PDE10A: variants seen among roughly 807,000 people sequenced by gnomAD.
PDE10A encodes the protein phosphodiesterase 10A, also known as cAMP and cAMP-inhibited cGMP 3',5'-cyclic phosphodiesterase 10A.
PDE10A carries 39 observed loss-of-function variants against 97.7 expected under a neutral mutation model. That is an observed-to-expected ratio of 0.40 (90% CI 0.31 to 0.52). The LOEUF (loss-of-function observed/expected upper bound fraction) is 0.52. Among genes scored for constraint, PDE10A ranks in the 20% least tolerant of loss-of-function variants. The pLI, the probability that PDE10A is intolerant of heterozygous loss-of-function variation, is 0.56. For missense variants in PDE10A, 731 were observed against 1,047.8 expected, an observed-to-expected ratio of 0.70 and a Z score of 4.17; for synonymous variants, 371 against 376.8, an observed-to-expected ratio of 0.98 and a Z score of 0.18.
At chr6:165,460,192 C>T (rs983473940) in intron 3 of PDE10A, among the ~76,000 whole-genome samples, 7 of 152,182 alleles carry the variant, frequency 4.6e-5, no homozygotes, top group Admixed American at 4.6e-4. Flanking sequence ...CACAAAAGGT[C>T]CCAACAGGAG....
chr6:165,404,200 A>G, intron 13 of PDE10A, among the ~76,000 whole-genome samples: 1 of 152,164 alleles, frequency 6.6e-6, no homozygotes, highest in East Asian at 1.9e-4. Flanking sequence ...ATTATAAATC[A>G]ATAAAAAGGA....
chr6:165,479,174 C>T lies in PDE10A; in HGVS notation c.1023+3141G>A, dbSNP rs571637571. Among the ~76,000 whole-genome samples the T allele has an allele frequency of 1.4e-3, 212 of 152,240 alleles. 1 individual carries two copies. The highest frequency in any genetic ancestry group is 4.8e-3 in the African/African-American group (200 of 41,544). Reference sequence around the variant, plus strand: ...CTCCCATAAACAAAGCCTGTCTGCTCTTTCTTCTTCTACACCCAACCTCTG... The same window carrying T: ...CTCCCATAAACAAAGCCTGTCTGCTTTTTCTTCTTCTACACCCAACCTCTG... On this transcript the variant is annotated intron_variant, in intron 3 of 21. Transcript: ENST00000539869.
intron 1 of PDE10A, among the ~76,000 whole-genome samples, chr6:165,857,038 G>A (rs1780756218): frequency 1.3e-5 from 2 of 152,176 alleles, no homozygotes; most frequent in Admixed American, 1.3e-4. Flanking sequence ...CATCACCCAA[G>A]ATACGCAGAC....
chr6:165,706,500 A>T (rs190838425), intron 1 of PDE10A, among the ~76,000 whole-genome samples: 18 of 152,336 alleles, frequency 1.2e-4, no homozygotes, highest in African/African-American at 4.3e-4. Context: ...CTTCATAGCT[A>T]AGGATAAGAA....
intron 1 of PDE10A, among the ~76,000 whole-genome samples, chr6:165,735,277 AGTTGGTAGGTAAGTAGGTAG>A (rs1297358367): frequency 1.3e-5 from 2 of 151,306 alleles, no homozygotes; most frequent in Non-Finnish European, 2.9e-5. Context: ...ATAGTAGGTC[AGTTGGTAGGTAAGTAGGTAG>A]GTTGGTAGAT....
chr6:165,579,412 T>C (rs922886438), intron 1 of PDE10A, among the ~76,000 whole-genome samples: 1 of 152,166 alleles, frequency 6.6e-6, no homozygotes, highest in African/African-American at 2.4e-5. Context: ...ACCAGTTACA[T>C]GCACAAGATT....
chr6:165,806,649 G>A (rs975291670), intron 1 of PDE10A, among the ~76,000 whole-genome samples: 2 of 150,160 alleles, frequency 1.3e-5, no homozygotes. Flanking sequence ...TCTGCTGAGC[G>A]CCCCCCCCCA....
In PDE10A at chr6:165,662,934, G is replaced by A. The variant is rs1790367109; in HGVS notation, c.-123C>T. 6.6e-6 allele frequency among the ~76,000 whole-genome samples: 1 copy of A among 151,340 alleles called. No individual in the cohort carries two copies. ...TGCCGGCCGCCCGAACCGCTGCCTG[G>A]TCCTCCTCTCCGGTCTTCGGCTTCC... On this transcript the variant is annotated 5_prime_UTR_variant, in exon 1 of 22. Coordinates refer to ENST00000539869, the MANE Select transcript of PDE10A (RefSeq NM_001385079.1).
chr6:165,768,518 C>T (rs1048294809), intron 1 of PDE10A, among the ~76,000 whole-genome samples: 21 of 151,956 alleles, frequency 1.4e-4, no homozygotes, highest in African/African-American at 3.4e-4. Flanking sequence ...TAGAATTTTT[C>T]GCATTTATAG....
intron 1 of PDE10A, among the ~76,000 whole-genome samples, chr6:165,936,261 C>G (rs1783323241): frequency 6.6e-6 from 1 of 152,064 alleles, no homozygotes; most frequent in Admixed American, 6.6e-5. Context: ...TTACTGATGC[C>G]AGAGGGAGGA....
At chr6:165,439,461 A>G (rs532630399) in intron 5 of PDE10A, among the ~76,000 whole-genome samples, 1 of 152,276 alleles carries the variant, frequency 6.6e-6, no homozygotes, top group Admixed American at 6.5e-5. Flanking sequence ...CAGGATATCT[A>G]CTCGACCAAA....
At chr6:165,504,952 G>T (rs1231668475) in intron 2 of PDE10A, among the ~76,000 whole-genome samples, 1 of 152,166 alleles carries the variant, frequency 6.6e-6, no homozygotes, top group African/African-American at 2.4e-5. Flanking sequence ...GGCAGGGCCT[G>T]CGGTTCCCAC....
At chr6:165,985,346 T>C (rs1430512405) in intron 1 of PDE10A, among the ~76,000 whole-genome samples, 1 of 152,230 alleles carries the variant, frequency 6.6e-6, no homozygotes, top group Non-Finnish European at 1.5e-5. Flanking sequence ...TGCCTGGGTT[T>C]CTTTTATGTG....
intron 1 of PDE10A, among the ~76,000 whole-genome samples, chr6:165,926,536 C>A (rs1455687892): frequency 6.6e-6 from 1 of 152,184 alleles, no homozygotes; most frequent in Admixed American, 6.5e-5. Flanking sequence ...AATTTGGAAA[C>A]CCTAACGGTT....
At chr6:165,812,863 TA>T (rs1779317129) in intron 1 of PDE10A, among the ~76,000 whole-genome samples, 2 of 152,110 alleles carry the variant, frequency 1.3e-5, no homozygotes, top group African/African-American at 2.4e-5. Context: ...TTCTCTCCTG[TA>T]AATTGCGAGT....
intron 1 of PDE10A, among the ~76,000 whole-genome samples, chr6:165,857,218 A>T (rs1780760742): frequency 1.3e-5 from 2 of 152,128 alleles, no homozygotes; most frequent in Non-Finnish European, 2.9e-5. Context: ...ACATCCCAGG[A>T]AACCTAAGAC....
At chr6:165,440,325 TTAATG>T (rs1790348689) in intron 5 of PDE10A, among the ~76,000 whole-genome samples, 1 of 152,256 alleles carries the variant, frequency 6.6e-6, no homozygotes, top group Admixed American at 6.5e-5. Context: ...TGGTGAATGT[TTAATG>T]TATACATACT....
At chr6:165,954,822 G>A (rs1784080255) in intron 1 of PDE10A, among the ~76,000 whole-genome samples, 1 of 152,108 alleles carries the variant, frequency 6.6e-6, no homozygotes, top group African/African-American at 2.4e-5. Flanking sequence ...TCTGTGTGCA[G>A]GGGAGGCTGG....
chr6:165,531,761 A>C (rs1247218406), intron 2 of PDE10A, among the ~76,000 whole-genome samples: 1 of 71,330 alleles, frequency 1.4e-5, no homozygotes, highest in African/African-American at 2.8e-5. Flanking sequence ...AACTCACCAT[A>C]CTTTATTTAA....
Sources: allele counts gnomAD v4.1 joint callset (sites outside exome capture counted in the v4.1 genomes callset), GRCh38; gene constraint gnomAD v4.1.1; transcripts MANE v1.5; gene names NCBI Gene and HGNC (gene_info 2026-07-23, HGNC 2026-07-21).